APLF: variants seen among roughly 807,000 people sequenced by gnomAD.
APLF encodes the protein aprataxin and PNKP like factor.
In APLF, 61 loss-of-function variants were observed where a neutral mutation model predicts 55.6. The ratio of observed to expected loss-of-function variants is 1.10; its 90% confidence interval spans 0.89 to 1.36. APLF has a LOEUF of 1.36. Ranked by LOEUF, APLF falls within the 40% of genes most tolerant of loss-of-function variation. The pLI, the probability that APLF is intolerant of heterozygous loss-of-function variation, is 0.00. For missense variants in APLF, 611 were observed against 602.5 expected, an observed-to-expected ratio of 1.01 and a Z score of -0.15; for synonymous variants, 207 against 214.8, an observed-to-expected ratio of 0.96 and a Z score of 0.32.
chr2:68,490,146 A>T (rs772913263), intron 1 of APLF, 44 bp from the exon 2 acceptor site: 1 of 1,438,116 alleles, frequency 7.0e-7, no homozygotes, highest in Non-Finnish European at 9.4e-7. Flanking sequence ...GTTGCTTTTT[A>T]AGGAGGTGGC....
rs140296150 is a variant in APLF, at chr2:68,508,249, G to A, written c.342-4831G>A. Among the ~76,000 whole-genome samples, 592 of 151,868 alleles carry A rather than the reference G, an allele frequency of 3.9e-3. 3 individuals carry two copies. The highest frequency in any genetic ancestry group is 0.014 in the African/African-American group (577 of 41,500). The stretch of plus-strand genomic sequence containing the variant: ...AAGCTACAGTAATCAGGACAGTCCT[G>A]GTGTAAAGAAAGACATATAGATCAA... On this transcript the variant is annotated intron_variant, in intron 3 of 9. Transcript: ENST00000303795.
Position 68,545,238 on chromosome 2 carries a change from T to C in APLF, c.1212T>C (p.Tyr404=), listed in dbSNP as rs1369385676. The change falls in exon 8 of 10, where the codon TAT becomes TAC. Residue 404 remains tyrosine (Y), a synonymous_variant. Coordinates refer to ENST00000303795, the MANE Select transcript of APLF (RefSeq NM_173545.3). Reference sequence around the variant, plus strand: ...TTAGCCATCCTGGTGATAGTGATTATGGAGGTGTACAAATCGTGGGCCAAG... The same window carrying C: ...TTAGCCATCCTGGTGATAGTGATTACGGAGGTGTACAAATCGTGGGCCAAG... The part of the protein sequence containing the change: ...QHFSHPGDSD[Y]GGVQIVGQDE... The C allele has an allele frequency of 9.9e-6, 16 of 1,613,782 alleles. No individual in the cohort carries two copies. The highest frequency in any genetic ancestry group is 1.3e-5 in the Non-Finnish European group (15 of 1,179,862).
At chr2:68,572,518 G>C (rs11891751) in intron 9 of APLF, among the ~76,000 whole-genome samples, 15,839 of 152,172 alleles carry the variant, frequency 0.1, 1,038 homozygotes, top group African/African-American at 0.18. Context: ...CATCTTAGAT[G>C]TAACACCAAA....
chr2:68,469,010 G>GTGTA (rs1675528076), intron 1 of APLF, among the ~76,000 whole-genome samples: 1 of 147,696 alleles, frequency 6.8e-6, no homozygotes, highest in Non-Finnish European at 1.5e-5. Context: ...GTGTGTGTGT[G>GTGTA]TGTGTGTGTG....
At chr2:68,565,292 A>G (rs1671271672) in intron 8 of APLF, among the ~76,000 whole-genome samples, 1 of 152,024 alleles carries the variant, frequency 6.6e-6, no homozygotes, top group African/African-American at 2.4e-5. Flanking sequence ...ACAAATTATG[A>G]TGGAGGGACA....
At chr2:68,553,446 GTATAT>G (rs142987768) in intron 8 of APLF, among the ~76,000 whole-genome samples, 25,666 of 151,916 alleles carry the variant, frequency 0.17, 2,510 homozygotes, top group Non-Finnish European at 0.23. Context: ...ATTTGTGAGA[GTATAT>G]TATTTTTGAG....
intron 5 of APLF, chr2:68,515,699 AAAGCTTCAAAAT>A: frequency 1.0e-6 from 1 of 983,854 alleles, no homozygotes; most frequent in Admixed American, 6.2e-5. Context: ...TTAAAATGCT[AAAGCTTCAAAAT>A]AAGATAGAAG....
Position 68,574,078 on chromosome 2 carries a change from A to AT in APLF, c.1334-3740dup, listed in dbSNP as rs1671557467. Among the ~76,000 whole-genome samples, 6 of 151,476 alleles carry AT rather than the reference A, an allele frequency of 4.0e-5. No individual in the cohort carries two copies. The South Asian group carries it at 1.2e-3, about 32-fold the overall frequency. On this transcript the variant is annotated intron_variant, in intron 9 of 9. Transcript: ENST00000303795. ...CCTGGACTTAGAAGTGTTAACCCAA[A>AT]TTAAAAAAAAAAAAAAAGGAAGCTT...
chr2:68,471,702 A>G (rs1020626923), intron 1 of APLF, among the ~76,000 whole-genome samples: 2 of 152,196 alleles, frequency 1.3e-5, no homozygotes, highest in Non-Finnish European at 2.9e-5. Flanking sequence ...TTTTTTAAGA[A>G]TAGTAAGAAA....
chr2:68,570,423 CT>C (rs1413976394), intron 9 of APLF, among the ~76,000 whole-genome samples: 1 of 151,886 alleles, frequency 6.6e-6, no homozygotes, highest in Non-Finnish European at 1.5e-5. Flanking sequence ...GGTATATCTC[CT>C]AATGCTATCC....
intron 9 of APLF, among the ~76,000 whole-genome samples, chr2:68,573,462 C>G (rs995032722): frequency 6.6e-6 from 1 of 152,120 alleles, no homozygotes; most frequent in Non-Finnish European, 1.5e-5. Context: ...CACCTGAGGT[C>G]AGGAGTTCAA....
intron 1 of APLF, among the ~76,000 whole-genome samples, chr2:68,481,178 G>C (rs1414397888): frequency 6.6e-6 from 1 of 152,168 alleles, no homozygotes; most frequent in African/African-American, 2.4e-5. Flanking sequence ...GGAATAGGTT[G>C]AGAAGAATTG....
At chr2:68,553,480 A>T (rs573943048) in intron 8 of APLF, among the ~76,000 whole-genome samples, 1 of 151,664 alleles carries the variant, frequency 6.6e-6, no homozygotes, top group South Asian at 2.1e-4. Context: ...TGTGAAGTAT[A>T]TTATTTTTAT....
chr2:68,552,806 TA>T, intron 8 of APLF, among the ~76,000 whole-genome samples: 1 of 152,282 alleles, frequency 6.6e-6, no homozygotes, highest in South Asian at 2.1e-4. Flanking sequence ...CATGTGCTAA[TA>T]AAAACTTTCA....
intron 1 of APLF, among the ~76,000 whole-genome samples, chr2:68,476,904 A>C (rs1675793672): frequency 6.6e-6 from 1 of 152,198 alleles, no homozygotes. Context: ...TTCTATGCAG[A>C]TTCAACAAGT....
intron 9 of APLF, among the ~76,000 whole-genome samples, chr2:68,574,080 TAAA>T (rs74533891): frequency 1.5e-5 from 2 of 129,608 alleles, no homozygotes; most frequent in Admixed American, 7.7e-5. Context: ...TAACCCAAAT[TAAA>T]AAAAAAAAAA....
intron 1 of APLF, among the ~76,000 whole-genome samples, chr2:68,485,688 T>C (rs1038410466): frequency 6.6e-6 from 1 of 152,146 alleles, no homozygotes; most frequent in African/African-American, 2.4e-5. Flanking sequence ...TTTTCTGCTT[T>C]AGCTGGCATT....
At chr2:68,481,329 G>A (rs1227994870) in intron 1 of APLF, among the ~76,000 whole-genome samples, 1 of 151,962 alleles carries the variant, frequency 6.6e-6, no homozygotes, top group Non-Finnish European at 1.5e-5. Flanking sequence ...CATTTCTAAA[G>A]GATAGCTTTA....
chr2:68,577,659 A>G (rs537351752), intron 9 of APLF, among the ~76,000 whole-genome samples, 161 bp from the exon 10 acceptor site: 34 of 152,272 alleles, frequency 2.2e-4, no homozygotes, highest in Non-Finnish European at 3.8e-4. Context: ...ATAATAAATA[A>G]CAAAGCATCA....
Sources: allele counts gnomAD v4.1 joint callset (sites outside exome capture counted in the v4.1 genomes callset), GRCh38; gene constraint gnomAD v4.1.1; transcripts MANE v1.5; gene names NCBI Gene and HGNC (gene_info 2026-07-23, HGNC 2026-07-21).